The following WWOX variants were observed in gnomAD, a reference collection of about 807,000 sequenced individuals.
WWOX encodes the protein WW domain containing oxidoreductase.
A neutral mutation model predicts 46.2 loss-of-function variants in WWOX; 69 were observed. The observed-to-expected ratio is 1.49, with a 90% confidence interval of 1.23 to 1.82. WWOX has a LOEUF of 1.82. Ranked by LOEUF, WWOX falls within the 40% of genes most tolerant of loss-of-function variation. The probability of loss-of-function intolerance (pLI) is 0.00; values close to 1 mark genes in which losing one functional copy is unlikely to be tolerated. For synonymous variants in WWOX, 359 were observed against 202.6 expected, an observed-to-expected ratio of 1.77 and a Z score of -6.56; for missense variants, 919 against 542.6, an observed-to-expected ratio of 1.69 and a Z score of -6.89.
rs189799417 is a variant in WWOX, at chr16:78,787,346, C to T, written c.1056+354594C>T. On this transcript the variant is annotated intron_variant, in intron 8 of 8. Transcript: ENST00000566780. ...CCCCATTTCCTCCTTCCCCCAGCCC[C>T]TCATAACCACATCTACTTTGTGTCT... 1.2e-4 allele frequency among the ~76,000 whole-genome samples: 18 copies of T among 152,300 alleles called. No homozygotes were observed. In the East Asian group the frequency reaches 3.5e-3, roughly 29 times the overall value.
At chr16:79,114,651 A>C (rs2049478433) in intron 8 of WWOX, among the ~76,000 whole-genome samples, 1 of 152,104 alleles carries the variant, frequency 6.6e-6, no homozygotes, top group Non-Finnish European at 1.5e-5. Context: ...TAAAGAGAGA[A>C]TAAACTTGTA....
chr16:78,482,798 A>G (rs2084528725), intron 8 of WWOX, among the ~76,000 whole-genome samples: 1 of 152,170 alleles, frequency 6.6e-6, no homozygotes, highest in Non-Finnish European at 1.5e-5. Flanking sequence ...CGCAGAACGT[A>G]TGTTTCATTT....
At chr16:79,206,876 A>G (rs1380032928) in intron 8 of WWOX, 2 of 152,194 alleles carry the variant, frequency 1.3e-5, no homozygotes, top group African/African-American at 4.8e-5. Flanking sequence ...TTTGTGGCAA[A>G]TGTGTCCCCT....
intron 6 of WWOX, among the ~76,000 whole-genome samples, chr16:78,400,830 G>C (rs1288598324): frequency 2.6e-5 from 4 of 152,170 alleles, no homozygotes; most frequent in African/African-American, 9.7e-5. Flanking sequence ...ATAGCACTTT[G>C]TTACTTGTTT....
intron 8 of WWOX, among the ~76,000 whole-genome samples, chr16:78,475,731 G>C (rs1224315229): frequency 6.6e-6 from 1 of 152,144 alleles, no homozygotes; most frequent in Non-Finnish European, 1.5e-5. Context: ...CAGTAGCTGG[G>C]ATTACAGGCA....
rs1335843264 is a variant in WWOX, at chr16:78,989,838, G to GTC, written c.1057-221769_1057-221768insCT. ...TGTGTGAGCGTGTGTGTGTGTGTGTGTGTGTGTGTGTGTGTGTGATTGAGA... is the reference window on the plus strand; with the variant it reads ...TGTGTGAGCGTGTGTGTGTGTGTGTGTCTGTGTGTGTGTGTGTGTGATTGAGA... On this transcript the variant is annotated intron_variant, in intron 8 of 8. Transcript: ENST00000566780. Among the ~76,000 whole-genome samples, 5 of 151,434 alleles carry GTC rather than the reference G, an allele frequency of 3.3e-5. No homozygotes were observed. The East Asian group carries it at 9.7e-4, about 29-fold the overall frequency.
intron 8 of WWOX, among the ~76,000 whole-genome samples, chr16:78,782,149 C>T (rs1302250167): frequency 6.6e-6 from 1 of 152,152 alleles, no homozygotes; most frequent in East Asian, 1.9e-4. Context: ...ATTTCCCCCT[C>T]CAGCCTTCTC....
chr16:78,782,421 T>C (rs965094959), intron 8 of WWOX, among the ~76,000 whole-genome samples: 3 of 152,236 alleles, frequency 2.0e-5, no homozygotes, highest in South Asian at 2.1e-4. Context: ...AGCTCTCTTA[T>C]GCTGGGGCAA....
At chr16:78,189,028 G>T (rs1305174147) in intron 5 of WWOX, among the ~76,000 whole-genome samples, 2 of 152,152 alleles carry the variant, frequency 1.3e-5, no homozygotes, top group East Asian at 3.9e-4. Flanking sequence ...GCAGAGTCAA[G>T]GTCATGCCTG....
chr16:79,198,098 G>A (rs2051275238), intron 8 of WWOX, among the ~76,000 whole-genome samples: 1 of 152,058 alleles, frequency 6.6e-6, no homozygotes, highest in Non-Finnish European at 1.5e-5. Context: ...GCCAAGACAG[G>A]TGGATCACCT....
Position 78,422,686 on chromosome 16 carries a change from C to CACACACACACACATATATATATAT in WWOX, c.606-2171_606-2170insTATATATATATACACACACACACA, listed in dbSNP as rs1567563297. ...ATGTATATATATATATATATATATA[C>CACACACACACACATATATATATAT]ACACACACACACACATATATATATA... On this transcript the variant is annotated intron_variant, in intron 6 of 8. Coordinates refer to ENST00000566780, the MANE Select transcript of WWOX (RefSeq NM_016373.4). Among the ~76,000 whole-genome samples, 29 of 23,896 alleles carry CACACACACACACATATATATATAT rather than the reference C, an allele frequency of 1.2e-3. 5 individuals carry two copies. Among genetic ancestry groups the CACACACACACACATATATATATAT allele is most frequent in the African/African-American group, 3.2e-3 (29 of 9,098 alleles). The allele number at this position is 23,896 out of a possible 152,430, so 15.7% of individuals were successfully genotyped here. A position where few individuals can be genotyped will look rare whatever the true frequency, so the allele number is the denominator to read the frequency against.
intron 8 of WWOX, among the ~76,000 whole-genome samples, chr16:79,147,030 A>G (rs2050194540): frequency 6.6e-6 from 1 of 152,224 alleles, no homozygotes; most frequent in Admixed American, 6.5e-5. Context: ...ACAATTGTGC[A>G]ATATCACAGT....
intron 8 of WWOX, among the ~76,000 whole-genome samples, chr16:78,710,508 A>ATATATTTTATATTTAAAGATATT (rs2048421726): frequency 7.2e-6 from 1 of 138,330 alleles, no homozygotes; most frequent in African/African-American, 2.6e-5. Flanking sequence ...ATTTATATAA[A>ATATATTTTATATTTAAAGATATT]TATATTTTAT....
chr16:78,121,379 C>A (rs2033084219), intron 4 of WWOX, among the ~76,000 whole-genome samples: 1 of 152,032 alleles, frequency 6.6e-6, no homozygotes, highest in Non-Finnish European at 1.5e-5. Context: ...AGACAAAGTC[C>A]TTAAATGACA....
chr16:78,689,026 A>G (rs1244197381), intron 8 of WWOX, among the ~76,000 whole-genome samples: 1 of 152,268 alleles, frequency 6.6e-6, no homozygotes, highest in South Asian at 2.1e-4. Flanking sequence ...AGCCATGCCA[A>G]ATTGTGAGTC....
At chr16:78,732,623 A>T (rs538016467) in intron 8 of WWOX, among the ~76,000 whole-genome samples, 38 of 152,344 alleles carry the variant, frequency 2.5e-4, no homozygotes, top group African/African-American at 9.1e-4. Context: ...CAATAATCTT[A>T]GCTAAGATTT....
intron 5 of WWOX, among the ~76,000 whole-genome samples, chr16:78,326,570 T>TCCCC (rs1287342811): frequency 3.0e-4 from 3 of 10,024 alleles, no homozygotes; most frequent in African/African-American, 6.7e-4. Flanking sequence ...CTGCCTGCCC[T>TCCCC]CCCCCCGCCC....
intron 8 of WWOX, among the ~76,000 whole-genome samples, chr16:78,892,614 A>G (rs1284874627): frequency 1.3e-5 from 2 of 152,186 alleles, no homozygotes; most frequent in Admixed American, 6.5e-5. Context: ...ATCTACTGAG[A>G]TTCTGCGTGT....
At chr16:78,954,748 G>T (rs1249808134) in intron 8 of WWOX, among the ~76,000 whole-genome samples, 12 of 152,028 alleles carry the variant, frequency 7.9e-5, no homozygotes, top group Admixed American at 7.9e-4. Flanking sequence ...AGTGCTATGG[G>T]GAAGCAAAGC....
Sources: gnomAD v4.1 joint callset for allele counts (sites outside exome capture counted in the v4.1 genomes callset) on GRCh38, gnomAD v4.1.1 for gene constraint, MANE v1.5 for transcripts, NCBI Gene and HGNC (gene_info 2026-07-23, HGNC 2026-07-21) for gene names.